CHM: variants seen among roughly 807,000 people sequenced by gnomAD.
CHM encodes CHM Rab escort protein.
In CHM, 10 loss-of-function variants were observed where a neutral mutation model predicts 49.0. The ratio of observed to expected loss-of-function variants is 0.20; its 90% CI spans 0.13 to 0.35. The LOEUF is 0.35. Among genes scored for constraint, CHM ranks in the 10% least tolerant of loss-of-function variants. The pLI is 1.00. For synonymous variants in CHM, 184 were observed against 167.5 expected (o/e 1.10, Z -0.76); for missense variants, 455 against 478.4 (o/e 0.95, Z 0.46).
intron 4 of CHM, among the ~76,000 whole-genome samples, chrX:85,971,975 G>A (rs952901272): frequency 1.1e-4 from 11 of 103,688 alleles, no homozygotes; most frequent in African/African-American, 4.0e-4. Flanking sequence ...GATACAGAGT[G>A]CCAATTGGTG....
chrX:86,011,865 G>A (rs1403837268), intron 2 of CHM, among the ~76,000 whole-genome samples: 3 of 111,352 alleles, frequency 2.7e-5, no homozygotes, highest in Non-Finnish European at 5.6e-5. Flanking sequence ...TGAGCCAAAG[G>A]ATTCAGGTGA....
At chrX:85,942,727 A>G (rs1195369856) in intron 8 of CHM, among the ~76,000 whole-genome samples, 1 of 106,788 alleles carries the variant, frequency 9.4e-6, no homozygotes, top group Non-Finnish European at 1.9e-5. Context: ...ACCAATGGGG[A>G]TGGGGACATG....
chrX:85,959,194 T>C (rs1015389690), intron 5 of CHM, among the ~76,000 whole-genome samples: 1 of 111,598 alleles, frequency 9.0e-6, no homozygotes, highest in Admixed American at 9.6e-5. Flanking sequence ...TTACAAAACA[T>C]GTTTAGCAGC....
rs952575878 is a variant in CHM at position 85,992,863 on chromosome X, C to A, written c.117-11054G>T. Among the ~76,000 whole-genome samples, 3 of 112,271 alleles carry A rather than the reference C, an allele frequency of 2.7e-5. No individual in the cohort carries two copies. The Admixed American group carries it at 2.8e-4, about 11-fold the overall frequency. On this transcript the variant is annotated intron_variant, in intron 2 of 14. Coordinates refer to ENST00000357749, the MANE Select transcript of CHM (RefSeq NM_000390.4). ...AGCCTGCCAGAAAGAAATACCAGAT[C>A]GTGTTCGCAGTCATTAGGGCTGGAG...
At chrX:85,922,939 G>A (rs184497463) in intron 8 of CHM, among the ~76,000 whole-genome samples, 6 of 112,276 alleles carry the variant, frequency 5.3e-5, no homozygotes, top group East Asian at 2.8e-4. Flanking sequence ...AACAGCAAGC[G>A]TGACCTGATA....
chrX:85,881,027 T>C (rs1290715622), intron 12 of CHM, among the ~76,000 whole-genome samples: 4 of 112,115 alleles, frequency 3.6e-5, no homozygotes, highest in Non-Finnish European at 7.5e-5. Context: ...ATCTTGTAAG[T>C]CCTTTGCAGG....
chrX:85,972,443 G>C (rs1377194800), intron 4 of CHM, among the ~76,000 whole-genome samples: 1 of 112,998 alleles, frequency 8.8e-6, no homozygotes, highest in African/African-American at 3.2e-5. Flanking sequence ...GGCTGCACAG[G>C]AACCCACGGT....
intron 13 of CHM, among the ~76,000 whole-genome samples, chrX:85,877,536 A>G: frequency 8.9e-6 from 1 of 111,809 alleles, no homozygotes; most frequent in Non-Finnish European, 1.9e-5. Flanking sequence ...TTGATAGCAC[A>G]ACAGGGTGAG....
chrX:85,935,813 G>A (rs1277192386), intron 8 of CHM, among the ~76,000 whole-genome samples: 1 of 111,736 alleles, frequency 8.9e-6, no homozygotes, highest in Non-Finnish European at 1.9e-5. Context: ...TTTGGAGGGA[G>A]GGCAGAGGAT....
intron 13 of CHM, among the ~76,000 whole-genome samples, chrX:85,875,019 C>T (rs1924328431): frequency 9.0e-6 from 1 of 111,187 alleles, no homozygotes; most frequent in Non-Finnish European, 1.9e-5. Context: ...ATTAAACATC[C>T]AGCTCAAAGG....
chrX:85,890,150 T>C (rs1253060104), intron 12 of CHM, among the ~76,000 whole-genome samples: 2 of 111,580 alleles, frequency 1.8e-5, no homozygotes, highest in African/African-American at 3.3e-5. Context: ...CATCATGCGA[T>C]ATACCCTTGT....
chrX:85,911,973 A>T (rs1286113634), intron 8 of CHM, among the ~76,000 whole-genome samples: 1 of 111,199 alleles, frequency 9.0e-6, no homozygotes, highest in Non-Finnish European at 1.9e-5. Context: ...ATATTTTCTT[A>T]TAATATCTGG....
chrX:85,984,915 G>A (rs144241772), intron 2 of CHM, among the ~76,000 whole-genome samples: 29 of 112,021 alleles, frequency 2.6e-4, no homozygotes, highest in African/African-American at 9.1e-4. Context: ...AATATCACAA[G>A]ACTGGGAGTG....
At chrX:85,925,516 G>A (rs918148435) in intron 8 of CHM, among the ~76,000 whole-genome samples, 39 of 111,205 alleles carry the variant, frequency 3.5e-4, no homozygotes, top group African/African-American at 1.0e-3. Context: ...TCAAAAGAAA[G>A]CCTTTGGTTC....
chrX:86,014,760 C>T (rs369981694), intron 2 of CHM, among the ~76,000 whole-genome samples: 1 of 111,689 alleles, frequency 9.0e-6, no homozygotes, highest in African/African-American at 3.3e-5. Flanking sequence ...CCAAGGCGGG[C>T]GGATCACAAA....
intron 1 of CHM, among the ~76,000 whole-genome samples, chrX:86,037,407 G>A (rs1463244092): frequency 9.0e-6 from 1 of 111,115 alleles, no homozygotes; most frequent in African/African-American, 3.3e-5. Context: ...GTGAGCCACT[G>A]TGCCCAGCCT....
intron 9 of CHM, among the ~76,000 whole-genome samples, chrX:85,909,683 A>G (rs1347445236): frequency 8.9e-6 from 1 of 112,053 alleles, no homozygotes; most frequent in African/African-American, 3.2e-5. Context: ...AAAGGTAAGG[A>G]AAAGGTAGCC....
chrX:86,039,547 C>CAAAAG (rs1055797768), intron 1 of CHM, among the ~76,000 whole-genome samples: 25 of 103,660 alleles, frequency 2.4e-4, no homozygotes, highest in Non-Finnish European at 4.1e-4. Context: ...TGAGAATACT[C>CAAAAG]AAAAGAAAGA....
At chrX:85,976,904 AC>A (rs1931305790) in intron 4 of CHM, among the ~76,000 whole-genome samples, 3 of 110,314 alleles carry the variant, frequency 2.7e-5, no homozygotes, top group Non-Finnish European at 5.7e-5. Context: ...ACACACACAC[AC>A]ACACACACAG....
Sources: gnomAD v4.1 joint callset for allele counts (sites outside exome capture counted in the v4.1 genomes callset) on GRCh38, gnomAD v4.1.1 for gene constraint, MANE v1.5 for transcripts, NCBI Gene and HGNC (gene_info 2026-07-23, HGNC 2026-07-21) for gene names.